RABGAP1L: variants seen among roughly 807,000 people sequenced by gnomAD.
RABGAP1L encodes rab GTPase-activating protein 1-like.
RABGAP1L carries 63 observed loss-of-function variants against 137.7 expected under a neutral mutation model. That is an observed-to-expected ratio of 0.46 (90% CI 0.37 to 0.56). The LOEUF (loss-of-function observed/expected upper bound fraction) is 0.56. Ranked by LOEUF, RABGAP1L falls within the 20% of genes least tolerant of loss-of-function variation. The probability of loss-of-function intolerance (pLI) is 0.00; values close to 1 mark genes in which losing one functional copy is unlikely to be tolerated. For synonymous variants in RABGAP1L, 431 were observed against 433.7 expected (o/e 0.99, Z 0.08); for missense variants, 1,095 against 1,244.0 (o/e 0.88, Z 1.80).
chr1:174,360,717 T>C (rs1684064652), intron 11 of RABGAP1L, among the ~76,000 whole-genome samples: 2 of 152,176 alleles, frequency 1.3e-5, no homozygotes, highest in African/African-American at 4.8e-5. Context: ...ACTCCTCCCA[T>C]CCCATCAGAG....
intron 13 of RABGAP1L, among the ~76,000 whole-genome samples, chr1:174,607,903 T>C (rs935665694): frequency 1.3e-5 from 2 of 152,226 alleles, no homozygotes; most frequent in Non-Finnish European, 2.9e-5. Context: ...AACTACAGTG[T>C]GATGACTTGC....
At chr1:174,366,557 G>T (rs1388510177) in intron 11 of RABGAP1L, among the ~76,000 whole-genome samples, 1 of 151,944 alleles carries the variant, frequency 6.6e-6, no homozygotes, top group African/African-American at 2.4e-5. Flanking sequence ...ATCACTTGAG[G>T]TCAGGAGTTT....
chr1:174,203,391 A>G (rs1668274824), intron 1 of RABGAP1L, among the ~76,000 whole-genome samples: 1 of 152,068 alleles, frequency 6.6e-6, no homozygotes, highest in Non-Finnish European at 1.5e-5. Context: ...TGTTTTTGTC[A>G]GCTTTGTCAA....
intron 19 of RABGAP1L, among the ~76,000 whole-genome samples, chr1:174,874,224 C>A (rs530905339): frequency 6.0e-5 from 9 of 150,598 alleles, no homozygotes; most frequent in African/African-American, 2.0e-4. Flanking sequence ...AAACCTATTT[C>A]TATCAAATAA....
chr1:174,904,037 C>A (rs1211259327), intron 19 of RABGAP1L, among the ~76,000 whole-genome samples: 2 of 151,900 alleles, frequency 1.3e-5, no homozygotes, highest in African/African-American at 4.8e-5. Flanking sequence ...ACTCTCCCCT[C>A]CCCCCACAGA....
intron 19 of RABGAP1L, among the ~76,000 whole-genome samples, chr1:174,842,909 A>C (rs1440600289): frequency 1.3e-5 from 2 of 152,098 alleles, no homozygotes; most frequent in South Asian, 2.1e-4. Context: ...ATCCAGAGAA[A>C]TGTTACTTTT....
At chr1:174,196,916 T>G (rs1411965104) in intron 1 of RABGAP1L, among the ~76,000 whole-genome samples, 10 of 152,190 alleles carry the variant, frequency 6.6e-5, no homozygotes, top group Admixed American at 6.5e-4. Context: ...CAGCTTAGTA[T>G]TAGTCTTAGC....
At chr1:174,754,908 A>G (rs1264433930) in intron 18 of RABGAP1L, among the ~76,000 whole-genome samples, 2 of 152,216 alleles carry the variant, frequency 1.3e-5, no homozygotes, top group Non-Finnish European at 2.9e-5. Flanking sequence ...GACAGAACTA[A>G]CATTTCTTGA....
rs1366185261 is a variant in RABGAP1L at position 174,950,432 on chromosome 1, C to T, written c.2341-7025C>T. Among the ~76,000 whole-genome samples the T allele has an allele frequency of 5.9e-5, 9 of 152,264 alleles. No homozygotes were observed. The East Asian group carries it at 1.7e-3, about 29-fold the overall frequency. ...TCAAAGTGACTTCTTTTGCTGACCA[C>T]TATGAAGAGGATTAAGTGAAGCCTA... On this transcript the variant is annotated intron_variant, in intron 19 of 25. Coordinates refer to ENST00000681986, the MANE Select transcript of RABGAP1L (RefSeq NM_001366446.1).
At chr1:174,542,216 C>G (rs1665524790) in intron 13 of RABGAP1L, among the ~76,000 whole-genome samples, 1 of 152,182 alleles carries the variant, frequency 6.6e-6, no homozygotes, top group African/African-American at 2.4e-5. Context: ...GTGAATCCAT[C>G]TGGTCCTGGA....
chr1:174,272,391 T>G, intron 7 of RABGAP1L, 23 bp from the exon 8 acceptor site: 1 of 1,590,260 alleles, frequency 6.3e-7, no homozygotes, highest in Non-Finnish European at 8.6e-7. Context: ...TTATTTCTCC[T>G]TTTTTTCCCC....
At chr1:174,522,004 A>G (rs867158627) in intron 13 of RABGAP1L, among the ~76,000 whole-genome samples, 2 of 152,006 alleles carry the variant, frequency 1.3e-5, no homozygotes, top group African/African-American at 2.4e-5. Flanking sequence ...CCTTGAACCC[A>G]GGAGGCGGAG....
intron 18 of RABGAP1L, among the ~76,000 whole-genome samples, chr1:174,758,145 A>G (rs180688850): frequency 4.5e-4 from 69 of 152,232 alleles, no homozygotes; most frequent in Middle Eastern, 3.4e-3. Flanking sequence ...TGATCCTTCA[A>G]CAGTTGTCAA....
At chr1:174,343,923 T>G (rs1376634086) in intron 11 of RABGAP1L, among the ~76,000 whole-genome samples, 7 of 152,168 alleles carry the variant, frequency 4.6e-5, no homozygotes, top group Admixed American at 3.9e-4. Flanking sequence ...AGTCTCTTCC[T>G]TTCTCTTAGA....
At position 174,991,142 on chromosome 1, in the gene RABGAP1L, C is replaced by T. The variant is rs1672029131; in HGVS notation, c.*1141C>T. The stretch of plus-strand genomic sequence containing the variant: ...AAAACCTTTACAGAAATACTTATCT[C>T]ATGGAAAGGTAAAGCTATTGTTTAA... On this transcript the variant is annotated 3_prime_UTR_variant, in exon 26 of 26. Transcript: ENST00000681986. The T allele has an allele frequency of 1.3e-5, 2 of 152,150 alleles. No individual in the cohort carries two copies. The highest frequency in any genetic ancestry group is 2.4e-5 in the African/African-American group (1 of 41,442). The allele number at this position is 152,150 out of a possible 1,614,324, so 9.4% of individuals were successfully genotyped here.
intron 19 of RABGAP1L, among the ~76,000 whole-genome samples, chr1:174,819,290 G>A (rs1690773927): frequency 6.7e-6 from 1 of 149,642 alleles, no homozygotes; most frequent in Admixed American, 6.7e-5. Flanking sequence ...ATAAGAGGAT[G>A]TTGAGACTAA....
intron 13 of RABGAP1L, among the ~76,000 whole-genome samples, chr1:174,411,733 T>C (rs561216813): frequency 3.7e-4 from 56 of 152,244 alleles, no homozygotes; most frequent in South Asian, 1.2e-3. Flanking sequence ...CTTAATTTCA[T>C]TGTTTACCCA....
At chr1:174,555,530 G>T (rs139418588) in intron 13 of RABGAP1L, among the ~76,000 whole-genome samples, 319 of 147,992 alleles carry the variant, frequency 2.2e-3, no homozygotes, top group Non-Finnish European at 3.0e-3. Context: ...AAAAATGTAT[G>T]TCCCCCCCCC....
chr1:174,744,310 G>A (rs571493796), intron 17 of RABGAP1L, among the ~76,000 whole-genome samples: 2 of 151,982 alleles, frequency 1.3e-5, no homozygotes, highest in African/African-American at 4.8e-5. Context: ...AAATATTCTT[G>A]CTGTAGAACC....
Sources: gnomAD v4.1 joint callset for allele counts (sites outside exome capture counted in the v4.1 genomes callset) on GRCh38, gnomAD v4.1.1 for gene constraint, MANE v1.5 for transcripts, NCBI Gene and HGNC (gene_info 2026-07-23, HGNC 2026-07-21) for gene names.